Variants in FHIP1B observed in about 807,000 individuals in gnomAD.
FHIP1B encodes FHF complex subunit HOOK-interacting protein 1B.
FHIP1B carries 28 observed loss-of-function variants against 82.2 expected under a neutral mutation model. That is an observed-to-expected ratio of 0.34 (90% CI 0.25 to 0.47). The LOEUF is 0.47. FHIP1B is among the 20% of genes least tolerant of loss of function. FHIP1B has a pLI of 1.00. For synonymous variants in FHIP1B, 585 were observed against 516.1 expected (o/e 1.13, Z -1.81); for missense variants, 1,110 against 1,262.6 (o/e 0.88, Z 1.83).
chr11:6,228,350 CAA>C (rs972521859), intron 1 of FHIP1B, among the ~76,000 whole-genome samples: 3 of 143,568 alleles, frequency 2.1e-5, no homozygotes, highest in African/African-American at 7.6e-5. Flanking sequence ...AACTCTGTCT[CAA>C]AAAAAAAAAT....
In FHIP1B at chr11:6,217,594, G is replaced by A; in HGVS notation, c.1992C>T (p.Ile664=). The change falls in exon 9 of 12, where the codon ATC becomes ATT. Residue 664 remains isoleucine (I), a synonymous_variant. Transcript: ENST00000449352. Reference sequence around the variant, plus strand: ...CCTCTAGTCCTGCCATGCCCTCGGAGATGCCCTCTAGCAGTTCCCCAGCTC... The same window carrying A: ...CCTCTAGTCCTGCCATGCCCTCGGAAATGCCCTCTAGCAGTTCCCCAGCTC... ...KEGAGELLEG[I]SEGMAGLEGF... 1.9e-6 allele frequency: 3 copies of A among 1,613,220 alleles called. No individual in the cohort carries two copies. The highest frequency in any genetic ancestry group is 1.3e-5 in the African/African-American group (1 of 75,026).
Position 6,214,814 on chromosome 11 carries a change from G to A in FHIP1B, c.2313C>T (p.Ala771=), listed in dbSNP as rs1847179009. 1.2e-6 allele frequency: 2 copies of A among 1,611,848 alleles called. No individual in the cohort carries two copies. Among genetic ancestry groups the A allele is most frequent in the Admixed American group, 1.7e-5 (1 of 59,576 alleles). ...AGCGGAGCAGGGGCTGGGGGTGACA[G>A]GCCAGCTGGGCCACCAGCCCCGTCA... ...FLLTGLVAQL[A]CHPQPLLRSF... Residue 771 remains alanine, a synonymous_variant, in exon 10 of 12, where the codon GCC becomes GCT. Transcript: ENST00000449352.
At chr11:6,216,664 T>C (rs998474042) in intron 9 of FHIP1B, 10 of 182,040 alleles carry the variant, frequency 5.5e-5, no homozygotes, top group Non-Finnish European at 9.3e-5. Context: ...CGAGTCTAGC[T>C]CCAGGGCATC....
In FHIP1B at chr11:6,217,432, A is replaced by G. The variant is rs575583059; in HGVS notation, c.2154T>C (p.Pro718=). ...YESFTCPPEP[P]GPFLSSPLRT... ...GCAAAGGGCTGCTGAGGAAGGGGCCAGGGGGCTCAGGGGGACAGGTGAAGC... is the reference window on the plus strand; with the variant it reads ...GCAAAGGGCTGCTGAGGAAGGGGCCGGGGGGCTCAGGGGGACAGGTGAAGC... The change falls in exon 9 of 12, where the codon CCT becomes CCC. Residue 718 remains proline, a synonymous_variant. Transcript: ENST00000449352. The G allele has an allele frequency of 2.0e-5, 32 of 1,614,038 alleles. No individual in the cohort carries two copies. Among genetic ancestry groups the G allele is most frequent in the East Asian group, 8.9e-5 (4 of 44,884 alleles).
In FHIP1B at chr11:6,223,807, G is replaced by A. The variant is rs1450800855; in HGVS notation, c.580C>T (p.Leu194Phe). The A allele has an allele frequency of 6.2e-7, 1 of 1,614,198 alleles. No homozygotes were observed. The highest frequency in any genetic ancestry group is 8.5e-7 in the Non-Finnish European group (1 of 1,180,024). Residue 194 changes from leucine to phenylalanine, a missense_variant, in exon 3 of 12, where the codon CTC becomes TTC. Leu to Phe is a conservative substitution (Grantham distance 22, BLOSUM62 0). This residue lies in a region of FHIP1B where 467 missense variants were observed against 602.9 expected (regional missense o/e 0.77). Transcript: ENST00000449352. This position sits in a 1 kb window ranked among gnomAD's most constrained non-coding sequence, Gnocchi z 4.8. ...GGAGGTGGCTGCAGGAAGAACTCGAGCAATGAAGGCTCCTGGGCCACACAA... is the reference window on the plus strand; with the variant it reads ...GGAGGTGGCTGCAGGAAGAACTCGAACAATGAAGGCTCCTGGGCCACACAA... ...CVCVAQEPSLLEFFLQPPPEP... is the reference protein window; with the variant it reads ...CVCVAQEPSLFEFFLQPPPEP...
At chr11:6,230,633 G>A (rs551322198) in intron 1 of FHIP1B, among the ~76,000 whole-genome samples, 16 of 152,260 alleles carry the variant, frequency 1.1e-4, no homozygotes, top group African/African-American at 3.6e-4. Context: ...TGACTCCAGC[G>A]GGGTCCATCC....
chr11:6,212,856 C>T (rs555501145), intron 11 of FHIP1B, among the ~76,000 whole-genome samples: 2 of 152,312 alleles, frequency 1.3e-5, no homozygotes, highest in Admixed American at 6.5e-5. Flanking sequence ...CCTTCAGGCA[C>T]TTTTCATGCG....
At chr11:6,229,409 G>A (rs187317086) in intron 1 of FHIP1B, among the ~76,000 whole-genome samples, 1 of 152,144 alleles carries the variant, frequency 6.6e-6, no homozygotes, top group Non-Finnish European at 1.5e-5. Context: ...TCCCTTTCCT[G>A]CTTCCTTCTC....
rs1166793133 is a variant in FHIP1B, at chr11:6,211,684, C to T, written c.2741G>A (p.Arg914His). 3.7e-6 allele frequency: 6 copies of T among 1,614,078 alleles called. No homozygotes were observed. Among genetic ancestry groups the T allele is most frequent in the South Asian group, 1.1e-5 (1 of 91,076 alleles). Residue 914 changes from arginine (R) to histidine (H), a missense_variant, in exon 12 of 12, where the codon CGC becomes CAC. Around this residue, in one of 6 missense-constraint regions of FHIP1B, gnomAD observed 147 missense variants for 154.0 expected, o/e 0.95. Coordinates refer to ENST00000449352, the MANE Select transcript of FHIP1B (RefSeq NM_001098794.2). Reference sequence around the variant, plus strand: ...CTTGACTCGAAGAGCCTCACCTTGGCGTTCAGGGGCCCCGCCCCGGGTGAG... The same window carrying T: ...CTTGACTCGAAGAGCCTCACCTTGGTGTTCAGGGGCCCCGCCCCGGGTGAG... The part of the protein sequence containing the change: ...VLLTRGGAPE[R>H]QGEALRVKNA...
chr11:6,218,528 T>G, intron 8 of FHIP1B, 72 bp downstream of exon 8: 1 of 1,599,704 alleles, frequency 6.3e-7, no homozygotes, highest in Non-Finnish European at 8.5e-7. Context: ...AGCCCCTCCT[T>G]GCTACGCTCC....
Position 6,223,559 on chromosome 11 carries a change from T to G in FHIP1B, c.777+51A>C. Reference sequence around the variant, plus strand: ...CCCCATCTCCTGGATAGGAAGGTGCTGTTCAGTATCTACACACCACACCCT... The same window carrying G: ...CCCCATCTCCTGGATAGGAAGGTGCGGTTCAGTATCTACACACCACACCCT... On this transcript the variant is annotated intron_variant, in intron 3 of 11. Transcript: ENST00000449352. The surrounding 1 kb of genome is among the most constrained non-coding windows in gnomAD (Gnocchi z 4.8). The G allele has an allele frequency of 6.6e-7, 1 of 1,521,452 alleles. No individual in the cohort carries two copies. Among genetic ancestry groups the G allele is most frequent in the Non-Finnish European group, 8.8e-7 (1 of 1,135,228 alleles). The allele number at this position is 1,521,452 out of a possible 1,614,324, so 94.2% of individuals were successfully genotyped here.
chr11:6,218,218 G>C lies in FHIP1B; in HGVS notation c.1436-68C>G, dbSNP rs902942939. The C allele has an allele frequency of 7.2e-5, 109 of 1,507,712 alleles. 1 individual carries two copies. Among genetic ancestry groups the C allele is most frequent in the African/African-American group, 1.4e-5 (1 of 70,788 alleles). The allele number at this position is 1,507,712 out of a possible 1,614,324, so 93.4% of individuals were successfully genotyped here. A position where few individuals can be genotyped will look rare whatever the true frequency, so the allele number is the denominator to read the frequency against. On this transcript the variant is annotated intron_variant, in intron 8 of 11. Coordinates refer to ENST00000449352, the MANE Select transcript of FHIP1B (RefSeq NM_001098794.2). ...TTCAGAAGGAGAGATAAGACACCTC[G>C]GGAGACTAAGAAAGAAGACAATGGG... is the stretch of plus-strand genomic sequence containing the variant.
intron 4 of FHIP1B, 30 bp from the exon 5 acceptor site, chr11:6,222,927 G>A (rs755611592): frequency 3.1e-6 from 5 of 1,606,226 alleles, no homozygotes; most frequent in East Asian, 2.2e-5. Flanking sequence ...AAGGGGGAGG[G>A]TTATGAGGAG....
chr11:6,211,947 C>A (rs756080358), intron 11 of FHIP1B, 80 bp from the exon 12 acceptor site: 51 of 1,477,804 alleles, frequency 3.5e-5, no homozygotes, highest in African/African-American at 2.7e-4. Context: ...TCCCCCACCC[C>A]CTAGGTTCTT....
intron 11 of FHIP1B, 71 bp downstream of exon 11, chr11:6,214,340 A>G (rs1226983954): frequency 2.0e-6 from 3 of 1,490,646 alleles, no homozygotes; most frequent in Non-Finnish European, 2.7e-6. Flanking sequence ...ACTCTTAATA[A>G]GAGCTCAATT....
Position 6,214,565 on chromosome 11 carries a change from G to A in FHIP1B, c.2403C>T (p.Gly801=), listed in dbSNP as rs975885209. Residue 801 remains glycine, a synonymous_variant, in exon 11 of 12, where the codon GGC becomes GGT. Transcript: ENST00000449352. ...PSVKSLLQVL[G]SVKNKIENFA... is the part of the protein sequence containing the mutation. Reference sequence around the variant, plus strand: ...AGTTCTCAATCTTATTCTTCACAGAGCCCAGCACCTATGAAGCACACCTTC... The same window carrying A: ...AGTTCTCAATCTTATTCTTCACAGAACCCAGCACCTATGAAGCACACCTTC... The A allele has an allele frequency of 1.9e-6, 3 of 1,612,254 alleles. No individual in the cohort carries two copies. Among genetic ancestry groups the A allele is most frequent in the Admixed American group, 1.7e-5 (1 of 59,886 alleles).
At position 6,217,637 on chromosome 11, in the gene FHIP1B, C is replaced by T. The variant is rs777911426; in HGVS notation, c.1949G>A (p.Arg650His). The T allele has an allele frequency of 4.1e-5, 66 of 1,613,952 alleles. 1 individual carries two copies. The Admixed American group carries it at 6.2e-4, about 15-fold the overall frequency. ...GSWPEGAKKV[R>H]LVPKEGAGEL... ...CCCAGCTCCCTCCTTTGGCACCAGA[C>T]GAACCTTCTTGGCCCCCTCAGGCCA... is the stretch of plus-strand genomic sequence containing the variant. Residue 650 changes from arginine (R) to histidine (H), a missense_variant, in exon 9 of 12, where the codon CGT becomes CAT. Transcript: ENST00000449352.
In FHIP1B at chr11:6,212,027, C is replaced by T. The variant is rs897875565; in HGVS notation, c.2558-160G>A. 5 of 912,636 alleles carry T rather than the reference C, an allele frequency of 5.5e-6. No individual in the cohort carries two copies. In the African/African-American group the frequency reaches 9.0e-5, roughly 16 times the overall value. The allele number at this position is 912,636 out of a possible 1,614,324, so 56.5% of individuals were successfully genotyped here. Reference sequence around the variant, plus strand: ...ATGGACCAGAAATGAACCTCAGGTACCATTTCCTGTCCCATCCCTGAAGTT... The same window carrying T: ...ATGGACCAGAAATGAACCTCAGGTATCATTTCCTGTCCCATCCCTGAAGTT... On this transcript the variant is annotated intron_variant, in intron 11 of 11. Transcript: ENST00000449352.
At chr11:6,221,121 A>G (rs1265953922) in intron 6 of FHIP1B, among the ~76,000 whole-genome samples, 2 of 152,240 alleles carry the variant, frequency 1.3e-5, no homozygotes, top group African/African-American at 4.8e-5. Flanking sequence ...AGACGTTTCT[A>G]AAGTATACAC....
Sources: gnomAD v4.1 joint callset for allele counts (sites outside exome capture counted in the v4.1 genomes callset) on GRCh38, gnomAD v4.1.1 for gene constraint, gnomAD v4.1.1 regional missense constraint, Gnocchi (gnomAD v3.1) non-coding constraint, MANE v1.5 for transcripts, NCBI Gene and HGNC (gene_info 2026-07-23, HGNC 2026-07-21) for gene names.